The following CAMK1D variants were observed in gnomAD, a reference collection of about 807,000 sequenced individuals.
CAMK1D encodes the protein calcium/calmodulin dependent protein kinase ID.
A neutral mutation model predicts 47.7 loss-of-function variants in CAMK1D; 9 were observed. That is an observed-to-expected ratio of 0.19 (90% CI 0.11 to 0.33). The LOEUF (loss-of-function observed/expected upper bound fraction) is 0.33. Among genes scored for constraint, CAMK1D ranks in the 10% least tolerant of loss-of-function variants. The probability of loss-of-function intolerance (pLI) is 1.00; values close to 1 mark genes in which losing one functional copy is unlikely to be tolerated. For missense variants in CAMK1D, 291 were observed against 488.7 expected, an observed-to-expected ratio of 0.60 and a Z score of 3.81; for synonymous variants, 184 against 184.9, an observed-to-expected ratio of 0.99 and a Z score of 0.04.
intron 1 of CAMK1D, among the ~76,000 whole-genome samples, chr10:12,383,805 C>G (rs1412125442): frequency 6.6e-6 from 1 of 152,164 alleles, no homozygotes; most frequent in Non-Finnish European, 1.5e-5. Flanking sequence ...AGGAGCGACA[C>G]AAGAGTGTCT....
At chr10:12,456,543 T>G (rs1171328566) in intron 1 of CAMK1D, 1 of 152,146 alleles carries the variant, frequency 6.6e-6, no homozygotes, top group Non-Finnish European at 1.5e-5. Flanking sequence ...GAAAACATTC[T>G]CAGGACCTAT....
intron 1 of CAMK1D, among the ~76,000 whole-genome samples, chr10:12,463,849 G>C (rs2031746): frequency 1.3e-5 from 2 of 151,982 alleles, no homozygotes; most frequent in South Asian, 4.1e-4. Context: ...TGCTGTTCTC[G>C]TGATAGTGAG....
chr10:12,590,164 T>TGATATGCATATC (rs1245137810), intron 2 of CAMK1D, among the ~76,000 whole-genome samples: 1 of 152,232 alleles, frequency 6.6e-6, no homozygotes, highest in Non-Finnish European at 1.5e-5. Context: ...GCGGAGTTAA[T>TGATATGCATATC]GATATGCATA....
chr10:12,732,006 G>A (rs544441713), intron 3 of CAMK1D, among the ~76,000 whole-genome samples: 2 of 152,334 alleles, frequency 1.3e-5, no homozygotes, highest in South Asian at 4.1e-4. Flanking sequence ...CACTTTGGGA[G>A]GCTGAGACGG....
chr10:12,662,876 T>G (rs1421523345), intron 2 of CAMK1D, among the ~76,000 whole-genome samples: 1 of 152,216 alleles, frequency 6.6e-6, no homozygotes, highest in East Asian at 1.9e-4. Context: ...AATGAACTTG[T>G]TAGCTTTTAT....
chr10:12,796,966 T>G lies in CAMK1D; in HGVS notation c.641+5733T>G, dbSNP rs752157091. Among the ~76,000 whole-genome samples the G allele has an allele frequency of 1.6e-4, 25 of 152,364 alleles. 1 individual carries two copies. The South Asian group carries it at 4.6e-3, about 28-fold the overall frequency. The stretch of plus-strand genomic sequence containing the variant: ...TTGTGCCTCACAAGGTAATTGGATA[T>G]GCATGTCAGCAAACAAACATGTTCT... On this transcript the variant is annotated intron_variant, in intron 6 of 10. Transcript: ENST00000619168.
At chr10:12,431,677 C>G (rs1171295096) in intron 1 of CAMK1D, among the ~76,000 whole-genome samples, 1 of 152,178 alleles carries the variant, frequency 6.6e-6, no homozygotes, top group African/African-American at 2.4e-5. Flanking sequence ...GCGTCCGTTC[C>G]CTGCTTTAAT....
chr10:12,783,847 G>A (rs976365442), intron 5 of CAMK1D, among the ~76,000 whole-genome samples: 1 of 152,056 alleles, frequency 6.6e-6, no homozygotes, highest in Non-Finnish European at 1.5e-5. Context: ...GTGGGCTGGT[G>A]GTGAGTCTCA....
chr10:12,527,668 G>A (rs555935864), intron 1 of CAMK1D, among the ~76,000 whole-genome samples: 8 of 152,226 alleles, frequency 5.3e-5, no homozygotes, highest in African/African-American at 1.9e-4. Context: ...GAGCCACCGC[G>A]CCCAGTTTTG....
intron 3 of CAMK1D, among the ~76,000 whole-genome samples, chr10:12,743,546 C>G (rs1835531360): frequency 1.3e-5 from 2 of 152,146 alleles, no homozygotes; most frequent in Admixed American, 6.5e-5. Context: ...TTCACCCTTT[C>G]AAGTTGTACA....
chr10:12,712,672 C>A (rs1466996096), intron 3 of CAMK1D, among the ~76,000 whole-genome samples: 1 of 152,172 alleles, frequency 6.6e-6, no homozygotes, highest in African/African-American at 2.4e-5. Flanking sequence ...ACCTGATCGT[C>A]TCCCAAAGGC....
At chr10:12,507,098 A>C (rs549729665) in intron 1 of CAMK1D, among the ~76,000 whole-genome samples, 1 of 152,376 alleles carries the variant, frequency 6.6e-6, no homozygotes, top group East Asian at 1.9e-4. Flanking sequence ...ATGACAGGCA[A>C]GGATGAATTT....
At chr10:12,793,470 G>C (rs189458638) in intron 6 of CAMK1D, among the ~76,000 whole-genome samples, 1 of 152,234 alleles carries the variant, frequency 6.6e-6, no homozygotes, top group Non-Finnish European at 1.5e-5. Flanking sequence ...TTAAAACTAA[G>C]CAATGATGTC....
intron 6 of CAMK1D, among the ~76,000 whole-genome samples, chr10:12,801,359 T>TA (rs1564572250): frequency 1.5e-4 from 13 of 87,080 alleles, no homozygotes; most frequent in Non-Finnish European, 3.2e-4. Flanking sequence ...CTATCTTATC[T>TA]ATCTATCTAT....
At chr10:12,707,253 C>G (rs561311246) in intron 3 of CAMK1D, among the ~76,000 whole-genome samples, 3 of 152,204 alleles carry the variant, frequency 2.0e-5, no homozygotes, top group East Asian at 1.9e-4. Context: ...TAGTGGAGGC[C>G]TGACTAATTA....
chr10:12,598,523 A>G (rs1838209234), intron 2 of CAMK1D, among the ~76,000 whole-genome samples: 1 of 152,210 alleles, frequency 6.6e-6, no homozygotes, highest in Non-Finnish European at 1.5e-5. Flanking sequence ...AGGAAAATGA[A>G]ATCTGTTTCG....
chr10:12,677,900 C>G (rs574952223), intron 3 of CAMK1D, among the ~76,000 whole-genome samples: 1 of 152,292 alleles, frequency 6.6e-6, no homozygotes, highest in East Asian at 1.9e-4. Context: ...GAAGCTAACT[C>G]AATACCTCTG....
chr10:12,455,822 C>T lies in CAMK1D; in HGVS notation c.93-97403C>T, dbSNP rs940460045. Among the ~76,000 whole-genome samples, 8 of 152,190 alleles carry T rather than the reference C, an allele frequency of 5.3e-5. No individual in the cohort carries two copies. In the East Asian group the frequency reaches 7.7e-4, roughly 15 times the overall value. On this transcript the variant is annotated intron_variant, in intron 1 of 10. Transcript: ENST00000619168. ...AGCCCATGGAGAATATCATGCTGTC[C>T]GTGCCAAATGATTTTAAAGTAAACT... is the stretch of plus-strand genomic sequence containing the variant.
intron 3 of CAMK1D, among the ~76,000 whole-genome samples, chr10:12,672,535 A>AT (rs1311738721): frequency 6.6e-6 from 1 of 150,922 alleles, no homozygotes; most frequent in Non-Finnish European, 1.5e-5. Flanking sequence ...CGCCTAGATA[A>AT]TTTTTTTGTA....
Sources: gnomAD v4.1 joint callset for allele counts (sites outside exome capture counted in the v4.1 genomes callset) on GRCh38, gnomAD v4.1.1 for gene constraint, MANE v1.5 for transcripts, NCBI Gene and HGNC (gene_info 2026-07-23, HGNC 2026-07-21) for gene names.